The following ZNF451 variants were observed in gnomAD, a reference collection of about 807,000 sequenced individuals.
ZNF451 encodes the protein E3 SUMO-protein ligase ZNF451.
ZNF451 carries 80 observed loss-of-function variants against 107.1 expected under a neutral mutation model. The ratio of observed to expected loss-of-function variants is 0.75; its 90% CI spans 0.62 to 0.90. The LOEUF (loss-of-function observed/expected upper bound fraction) is 0.90, where lower values mean the gene tolerates loss of function less well. Ranked by LOEUF, ZNF451 falls within the 40% of genes least tolerant of loss-of-function variation. The probability of loss-of-function intolerance (pLI) is 0.00; values close to 1 mark genes in which losing one functional copy is unlikely to be tolerated. For synonymous variants in ZNF451, 362 were observed against 406.5 expected (o/e 0.89, Z 1.32); for missense variants, 1,107 against 1,236.2 (o/e 0.90, Z 1.57).
intron 3 of ZNF451, chr6:57,106,494 C>CG (rs1554297400): frequency 6.6e-6 from 4 of 606,756 alleles, no homozygotes; most frequent in Non-Finnish European, 8.3e-6. Context: ...TTAGTAGAGA[C>CG]GGGGTCTCTC....
rs1830662628 is a variant in ZNF451, at chr6:57,122,009, G to A, written c.187-2725G>A. On this transcript the variant is annotated intron_variant, in intron 3 of 14. Coordinates refer to ENST00000370706, the MANE Select transcript of ZNF451 (RefSeq NM_001031623.3). ...AGGCTACAGTAACCAAACCAGTATG[G>A]TACTGTTATAAAAATAGACACGCAG... 2.8e-5 allele frequency among the ~76,000 whole-genome samples: 4 copies of A among 145,404 alleles called. No individual in the cohort carries two copies. The East Asian group carries it at 7.7e-4, about 28-fold the overall frequency.
Position 57,147,834 on chromosome 6 carries a change from T to C in ZNF451, c.1749T>C (p.Ala583=). The change falls in exon 10 of 15, where the codon GCT becomes GCC. Residue 583 remains alanine, a synonymous_variant. Coordinates refer to ENST00000370706, the MANE Select transcript of ZNF451 (RefSeq NM_001031623.3). ...SSSTTLDNLT[A]NKPSSAITVI... ...CTACAACATTGGATAATTTGACTGC[T>C]AACAAGCCTTCATCAGCTATTACTG... The C allele has an allele frequency of 6.2e-7, 1 of 1,614,138 alleles. No individual in the cohort carries two copies. The highest frequency in any genetic ancestry group is 8.5e-7 in the Non-Finnish European group (1 of 1,179,980).
intron 3 of ZNF451, chr6:57,100,537 A>C: frequency 8.4e-6 from 12 of 1,432,476 alleles, no homozygotes; most frequent in Non-Finnish European, 1.1e-5. Context: ...TCTGCACTTG[A>C]AAGTTAACAT....
intron 2 of ZNF451, among the ~76,000 whole-genome samples, chr6:57,098,030 C>T (rs999517077): frequency 2.0e-5 from 3 of 149,718 alleles, no homozygotes; most frequent in Non-Finnish European, 4.4e-5. Flanking sequence ...AGTGCAGTGG[C>T]GTGATCTTGG....
intron 2 of ZNF451, among the ~76,000 whole-genome samples, chr6:57,097,282 C>T (rs897506630): frequency 6.6e-6 from 1 of 152,118 alleles, no homozygotes; most frequent in Non-Finnish European, 1.5e-5. Flanking sequence ...ATGGCAGTTT[C>T]TTGGTTGAGC....
intron 2 of ZNF451, among the ~76,000 whole-genome samples, chr6:57,096,880 A>T (rs141758330): frequency 6.7e-6 from 1 of 148,284 alleles, no homozygotes; most frequent in African/African-American, 2.5e-5. Flanking sequence ...GGTTCAAGCA[A>T]TTCATCTGCC....
At chr6:57,107,219 A>G in intron 3 of ZNF451, 1 of 985,366 alleles carries the variant, frequency 1.0e-6, no homozygotes, top group Non-Finnish European at 1.2e-6. Flanking sequence ...CTTCTCCTGT[A>G]TTCAACACCT....
intron 3 of ZNF451, among the ~76,000 whole-genome samples, chr6:57,112,542 C>T (rs1431662570): frequency 6.6e-6 from 1 of 152,108 alleles, no homozygotes; most frequent in Non-Finnish European, 1.5e-5. Flanking sequence ...TTGTGTATAT[C>T]CCCTCACCTT....
chr6:57,139,633 C>A (rs1350041322), intron 7 of ZNF451, among the ~76,000 whole-genome samples: 2 of 152,116 alleles, frequency 1.3e-5, no homozygotes, highest in African/African-American at 2.4e-5. Flanking sequence ...AATATACATA[C>A]ACTTATAAAT....
chr6:57,151,979 T>C lies in ZNF451; in HGVS notation c.2753-242T>C, dbSNP rs184618135. ...GAATTTTTACACACATTGCTTTTGATTTTGCCTAATATCCATGTGAGTTTT... is the reference window on the plus strand; with the variant it reads ...GAATTTTTACACACATTGCTTTTGACTTTGCCTAATATCCATGTGAGTTTT... On this transcript the variant is annotated intron_variant, in intron 11 of 14. Coordinates refer to ENST00000370706, the MANE Select transcript of ZNF451 (RefSeq NM_001031623.3). 137 of 380,260 alleles carry C rather than the reference T, an allele frequency of 3.6e-4. No individual in the cohort carries two copies. In the East Asian group the frequency reaches 5.8e-3, roughly 16 times the overall value. The allele number at this position is 380,260 out of a possible 1,614,324, so 23.6% of individuals were successfully genotyped here.
chr6:57,148,337 T>C lies in ZNF451; in HGVS notation c.2252T>C (p.Leu751Pro), dbSNP rs144722180. 3.3e-5 allele frequency: 54 copies of C among 1,613,896 alleles called. No homozygotes were observed. Among genetic ancestry groups the C allele is most frequent in the Middle Eastern group, 1.6e-4 (1 of 6,084 alleles). ...CAAATCATGCTGGATAAAGGAAAAC[T>C]GTGGTTTCGCTGCAGTTTATGTTCG... Reference protein sequence around the residue: ...CLQIMLDKGKLWFRCSLCSAT... With the variant: ...CLQIMLDKGKPWFRCSLCSAT... The change falls in exon 10 of 15, where the codon CTG becomes CCG. Residue 751 changes from leucine (L) to proline (P), a missense_variant. Coordinates refer to ENST00000370706, the MANE Select transcript of ZNF451 (RefSeq NM_001031623.3).
intron 11 of ZNF451, 114 bp downstream of exon 11, chr6:57,150,976 T>C (rs1832316365): frequency 7.9e-7 from 1 of 1,263,140 alleles, no homozygotes; most frequent in Non-Finnish European, 1.1e-6. Flanking sequence ...ATAATTGGAA[T>C]ATTGTTCTTT....
chr6:57,096,614 T>C (rs990218019), intron 2 of ZNF451, among the ~76,000 whole-genome samples: 1 of 68,824 alleles, frequency 1.5e-5, no homozygotes, highest in Non-Finnish European at 2.8e-5. Flanking sequence ...GGCGGGGGGG[T>C]AGGGGGGCGC....
rs771324707 is a variant in ZNF451, at chr6:57,147,114, T to C, written c.1029T>C (p.Pro343=). Residue 343 remains proline (P), a synonymous_variant, in exon 10 of 15, where the codon CCT becomes CCC. Coordinates refer to ENST00000370706, the MANE Select transcript of ZNF451 (RefSeq NM_001031623.3). The stretch of plus-strand genomic sequence containing the variant: ...GAGTTCATTGTCGAAATGCTGGACC[T>C]GTAGCTGTAGCTGAGAAGAGCATTA... The part of the protein sequence containing the change: ...HFRVHCRNAG[P]VAVAEKSITQ... The C allele has an allele frequency of 1.9e-6, 3 of 1,612,368 alleles. No homozygotes were observed. In the Admixed American group the frequency reaches 5.0e-5, roughly 27 times the overall value.
At chr6:57,138,741 A>ATGTGTGTG (rs1185366526) in intron 7 of ZNF451, among the ~76,000 whole-genome samples, 8 of 46,594 alleles carry the variant, frequency 1.7e-4, no homozygotes, top group African/African-American at 4.6e-4. Context: ...ATATATATAT[A>ATGTGTGTG]TGTGTGTGTG....
At chr6:57,151,336 C>T (rs1417612603) in intron 11 of ZNF451, 1 of 144,882 alleles carries the variant, frequency 6.9e-6, no homozygotes, top group Non-Finnish European at 1.5e-5. Flanking sequence ...CGCACCACTG[C>T]TCTCCAGCCT....
At chr6:57,123,985 T>A (rs965543600) in intron 3 of ZNF451, among the ~76,000 whole-genome samples, 1 of 152,234 alleles carries the variant, frequency 6.6e-6, no homozygotes, top group Non-Finnish European at 1.5e-5. Context: ...AATCTGTGTA[T>A]CTTTTATTTC....
intron 14 of ZNF451, 134 bp downstream of exon 14, chr6:57,161,286 G>T (rs1763663590): frequency 3.9e-6 from 2 of 510,752 alleles, no homozygotes; most frequent in South Asian, 5.3e-5. Flanking sequence ...AGTTTGGATA[G>T]CTTTGCATTT....
intron 7 of ZNF451, among the ~76,000 whole-genome samples, chr6:57,140,209 G>A (rs915580234): frequency 2.0e-5 from 3 of 151,994 alleles, no homozygotes; most frequent in African/African-American, 7.2e-5. Flanking sequence ...GAACACATCT[G>A]GGTAGCCAAA....
Sources: allele counts gnomAD v4.1 joint callset (sites outside exome capture counted in the v4.1 genomes callset), GRCh38; gene constraint gnomAD v4.1.1; transcripts MANE v1.5; gene names NCBI Gene and HGNC (gene_info 2026-07-23, HGNC 2026-07-21).